The following CDKL2 variants were observed in gnomAD, a reference collection of about 807,000 sequenced individuals.
The protein encoded by CDKL2 is cyclin dependent kinase like 2, also known as cyclin-dependent kinase-like 2.
CDKL2 carries 64 observed loss-of-function variants against 63.9 expected under a neutral mutation model. That is an observed-to-expected ratio of 1.00 (90% CI 0.82 to 1.23). CDKL2 has a LOEUF of 1.23. Among genes scored for constraint, CDKL2 ranks in the 50% most tolerant of loss-of-function variants. CDKL2 has a pLI of 0.00. For missense variants in CDKL2, 656 were observed against 668.0 expected, an observed-to-expected ratio of 0.98 and a Z score of 0.20; for synonymous variants, 211 against 229.2, an observed-to-expected ratio of 0.92 and a Z score of 0.72.
chr4:75,621,194 C>T (rs536267656), intron 2 of CDKL2, among the ~76,000 whole-genome samples: 62 of 151,592 alleles, frequency 4.1e-4, no homozygotes, highest in African/African-American at 1.4e-3. Flanking sequence ...CCTTGGCCTC[C>T]CAAAGTGCTG....
chr4:75,588,140 G>A (rs996803951), intron 12 of CDKL2, among the ~76,000 whole-genome samples: 14 of 151,560 alleles, frequency 9.2e-5, no homozygotes, highest in African/African-American at 3.2e-4. Flanking sequence ...CTTGAACCCA[G>A]GAGGCGGAGG....
rs566875643 is a variant in CDKL2 at position 75,625,967 on chromosome 4, C to G, written c.22G>C (p.Gly8Arg). The G allele has an allele frequency of 3.7e-6, 6 of 1,607,212 alleles. No individual in the cohort carries two copies. The African/African-American group carries it at 5.4e-5, about 14-fold the overall frequency. Residue 8 changes from glycine (G) to arginine (R), a missense_variant, in exon 2 of 14, where the codon GGT becomes CGT. Coordinates refer to ENST00000307465, the MANE Select transcript of CDKL2 (RefSeq NM_001330724.2). MEKYENL[G>R]LVGEGSYGMV... ...CCATAACTCCCTTCTCCAACCAAACCCAGGTTTTCATATTTTTCCATTTTA... is the reference window on the plus strand; with the variant it reads ...CCATAACTCCCTTCTCCAACCAAACGCAGGTTTTCATATTTTTCCATTTTA...
chr4:75,616,002 A>C (rs755605489), intron 2 of CDKL2, among the ~76,000 whole-genome samples: 10 of 152,208 alleles, frequency 6.6e-5, no homozygotes, highest in Non-Finnish European at 1.5e-4. Flanking sequence ...CTTATCTTGA[A>C]ACAAAATGAA....
chr4:75,619,027 T>A (rs185567861), intron 2 of CDKL2, among the ~76,000 whole-genome samples: 2 of 152,256 alleles, frequency 1.3e-5, no homozygotes, highest in East Asian at 3.9e-4. Context: ...CTCAAAATAT[T>A]TCTACAAATA....
intron 1 of CDKL2, among the ~76,000 whole-genome samples, chr4:75,629,577 C>G (rs1730581763): frequency 6.6e-6 from 1 of 152,190 alleles, no homozygotes; most frequent in Non-Finnish European, 1.5e-5. Flanking sequence ...GGTGTTATTT[C>G]TGGATGGTTC....
intron 3 of CDKL2, among the ~76,000 whole-genome samples, chr4:75,613,315 G>A (rs1729786660): frequency 6.6e-6 from 1 of 151,994 alleles, no homozygotes; most frequent in East Asian, 1.9e-4. Flanking sequence ...ATAAAAGACA[G>A]TTAAAAAATT....
intron 2 of CDKL2, among the ~76,000 whole-genome samples, chr4:75,625,248 T>C (rs1315659896): frequency 1.3e-5 from 2 of 152,132 alleles, no homozygotes; most frequent in African/African-American, 4.8e-5. Context: ...ATATGGTGTA[T>C]ACTCAGAACA....
intron 3 of CDKL2, among the ~76,000 whole-genome samples, chr4:75,612,331 C>T (rs568630742): frequency 6.6e-6 from 1 of 152,276 alleles, no homozygotes; most frequent in South Asian, 2.1e-4. Context: ...TGACTCTAAA[C>T]TGCCTGGATG....
chr4:75,600,395 T>C (rs779149559), intron 6 of CDKL2, 26 bp from the exon 7 acceptor site: 1 of 1,423,932 alleles, frequency 7.0e-7, no homozygotes, highest in Non-Finnish European at 9.8e-7. Flanking sequence ...CACTTAGAGT[T>C]CATATCAAGA....
chr4:75,605,605 A>G lies in CDKL2; in HGVS notation c.572T>C (p.Leu191Pro), dbSNP rs1279388948. The change falls in exon 5 of 14, where the codon CTG (leucine) becomes CCG (proline). Residue 191 changes from leucine (L) to proline (P), a missense_variant. By Grantham distance (98) the Leu-to-Pro change is moderately conservative. Transcript: ENST00000307465. Reference sequence around the variant, plus strand: ...TTCCCCCATGAACATTTCAGTTACCAGACAACCAATGGCCCACACATCAAC... The same window carrying G: ...TTCCCCCATGAACATTTCAGTTACCGGACAACCAATGGCCCACACATCAAC... ...KAVDVWAIGC[L>P]VTEMFMGEPL... 1 of 1,613,584 alleles carries G rather than the reference A, an allele frequency of 6.2e-7. No homozygotes were observed. The highest frequency in any genetic ancestry group is 8.5e-7 in the Non-Finnish European group (1 of 1,179,592).
At chr4:75,625,530 TA>T (rs2148916460) in intron 2 of CDKL2, among the ~76,000 whole-genome samples, 1 of 152,058 alleles carries the variant, frequency 6.6e-6, no homozygotes, top group Non-Finnish European at 1.5e-5. Context: ...GGCTGCAAAA[TA>T]AACCCATACA....
At position 75,591,843 on chromosome 4, in the gene CDKL2, G is replaced by A. The variant is rs1190507810; in HGVS notation, c.1623C>T (p.His541=). 5 of 1,535,378 alleles carry A rather than the reference G, an allele frequency of 3.3e-6. No individual in the cohort carries two copies. The highest frequency in any genetic ancestry group is 4.4e-6 in the Non-Finnish European group (5 of 1,146,400). ...RIPSLAAIDL[H]TPSITLHQVS... is the part of the protein sequence containing the mutation. ...CCTGATGTAATGTAATACTGGGGGT[G>A]TGCAGGTCAATAGCAGCCAGAGAAG... is the stretch of plus-strand genomic sequence containing the variant. The change falls in exon 12 of 14, where the codon CAC becomes CAT. Residue 541 remains histidine (H), a synonymous_variant. Transcript: ENST00000307465.
chr4:75,581,944 A>C (rs967573311), intron 12 of CDKL2, 46 bp from the exon 13 acceptor site: 2 of 1,306,068 alleles, frequency 1.5e-6, no homozygotes, highest in Middle Eastern at 2.2e-4. Flanking sequence ...TAATTGCAAA[A>C]GTTCCACTTC....
chr4:75,585,093 G>A (rs1488087134), intron 12 of CDKL2, among the ~76,000 whole-genome samples: 1 of 152,084 alleles, frequency 6.6e-6, no homozygotes, highest in Admixed American at 6.6e-5. Flanking sequence ...GAAAGTAAAT[G>A]AAATCAACAA....
At chr4:75,617,907 C>G (rs148907869) in intron 2 of CDKL2, among the ~76,000 whole-genome samples, 1,674 of 152,132 alleles carry the variant, frequency 0.011, 25 homozygotes, top group Non-Finnish European at 0.015. Flanking sequence ...TCAAGATCAG[C>G]CTGGCCAAAA....
At chr4:75,600,399 A>G (rs1422474480) in intron 6 of CDKL2, 30 bp from the exon 7 acceptor site, 2 of 1,381,910 alleles carry the variant, frequency 1.4e-6, no homozygotes, top group African/African-American at 1.5e-5. Context: ...TAGAGTTCAT[A>G]TCAAGAAAAA....
At chr4:75,581,977 T>C in intron 12 of CDKL2, 79 bp from the exon 13 acceptor site, 2 of 903,284 alleles carry the variant, frequency 2.2e-6, no homozygotes, top group Non-Finnish European at 3.6e-6. Flanking sequence ...ATTCTATTTG[T>C]TCAAATATTA....
At chr4:75,616,926 G>A (rs1578348297) in intron 2 of CDKL2, among the ~76,000 whole-genome samples, 1 of 152,044 alleles carries the variant, frequency 6.6e-6, no homozygotes, top group Non-Finnish European at 1.5e-5. Context: ...TGCACATAGA[G>A]GGGAACAACA....
chr4:75,625,275 C>T, intron 2 of CDKL2, among the ~76,000 whole-genome samples: 1 of 151,760 alleles, frequency 6.6e-6, no homozygotes, highest in East Asian at 1.9e-4. Context: ...AGTTGTCTCA[C>T]AAATAAATAA....
Sources: allele counts gnomAD v4.1 joint callset (sites outside exome capture counted in the v4.1 genomes callset), GRCh38; gene constraint gnomAD v4.1.1; transcripts MANE v1.5; gene names NCBI Gene and HGNC (gene_info 2026-07-23, HGNC 2026-07-21).